The following HMCN1 variants were observed in gnomAD, a reference collection of about 807,000 sequenced individuals.
The protein encoded by HMCN1 is hemicentin 1.
A neutral mutation model predicts 625.9 loss-of-function variants in HMCN1; 321 were observed. The observed-to-expected ratio is 0.51, with a 90% confidence interval of 0.47 to 0.56. The LOEUF (loss-of-function observed/expected upper bound fraction) is 0.56, where lower values mean the gene tolerates loss of function less well. HMCN1 is among the 20% of genes least tolerant of loss of function. The pLI, the probability that HMCN1 is intolerant of heterozygous loss-of-function variation, is 0.00. For synonymous variants in HMCN1, 2,425 were observed against 2,417.6 expected (o/e 1.00, Z -0.09); for missense variants, 6,588 against 6,887.3 (o/e 0.96, Z 1.54).
At chr1:186,184,281 T>C (rs1159089170) in intron 105 of HMCN1, among the ~76,000 whole-genome samples, 1 of 152,248 alleles carries the variant, frequency 6.6e-6, no homozygotes, top group Admixed American at 6.5e-5. Context: ...GCATTCTTTT[T>C]ATAGTTTTAG....
At chr1:185,771,051 G>A (rs150362364) in intron 1 of HMCN1, among the ~76,000 whole-genome samples, 1 of 152,290 alleles carries the variant, frequency 6.6e-6, no homozygotes, top group African/African-American at 2.4e-5. Context: ...ACAGGACCAT[G>A]TTGTAGCATT....
intron 1 of HMCN1, among the ~76,000 whole-genome samples, chr1:185,802,408 C>A (rs574676240): frequency 1.3e-5 from 2 of 151,612 alleles, no homozygotes; most frequent in African/African-American, 2.4e-5. Flanking sequence ...AATCACCATG[C>A]GTAGTTTTTA....
At chr1:185,819,096 G>T (rs192738568) in intron 1 of HMCN1, among the ~76,000 whole-genome samples, 205 of 152,086 alleles carry the variant, frequency 1.3e-3, no homozygotes, top group African/African-American at 4.7e-3. Flanking sequence ...AATTTGCTGG[G>T]TGTGGTGGTG....
intron 1 of HMCN1, among the ~76,000 whole-genome samples, chr1:185,769,282 T>TA (rs888994084): frequency 5.3e-5 from 8 of 151,384 alleles, no homozygotes; most frequent in Admixed American, 1.3e-4. Context: ...ACTTCATCTT[T>TA]AAAAAAAATG....
In HMCN1 at chr1:186,182,199, C is replaced by A; in HGVS notation, c.16326C>A (p.Cys5442Ter). ...ATGAATGTGAAAATACAGATGCCTG[C>A]CAGCATGAGTGTAAGAATACCTTTG... ...DIDECENTDA[C>*]QHECKNTFGS... Residue 5442 changes from cysteine to a stop codon, truncating the protein, a stop_gained, in exon 105 of 107, where the codon TGC becomes TGA. Transcript: ENST00000271588. LOFTEE classifies it high-confidence loss of function. 1 of 1,613,190 alleles carries A rather than the reference C, an allele frequency of 6.2e-7. No homozygotes were observed. The highest frequency in any genetic ancestry group is 8.5e-7 in the Non-Finnish European group (1 of 1,179,272).
intron 1 of HMCN1, among the ~76,000 whole-genome samples, chr1:185,758,250 A>G (rs774685001): frequency 2.6e-5 from 4 of 152,230 alleles, no homozygotes; most frequent in Non-Finnish European, 5.9e-5. Context: ...CTGCCAGCAT[A>G]TGACTTTTAA....
At chr1:185,774,601 A>C (rs1043877729) in intron 1 of HMCN1, among the ~76,000 whole-genome samples, 1 of 152,300 alleles carries the variant, frequency 6.6e-6, no homozygotes, top group Admixed American at 6.5e-5. Flanking sequence ...GAATCTCATA[A>C]ATTTGTGATG....
chr1:186,128,565 A>G (rs958221246), intron 83 of HMCN1, among the ~76,000 whole-genome samples: 1 of 151,996 alleles, frequency 6.6e-6, no homozygotes, highest in African/African-American at 2.4e-5. Flanking sequence ...ATGAGAAGGC[A>G]GTATGTTTAT....
chr1:186,135,640 A>G (rs1457477526), intron 86 of HMCN1, among the ~76,000 whole-genome samples: 1 of 152,178 alleles, frequency 6.6e-6, no homozygotes, highest in African/African-American at 2.4e-5. Context: ...GTGCTATTGC[A>G]TTGCCCAAAT....
chr1:186,108,264 CT>C (rs1660714177), intron 70 of HMCN1, among the ~76,000 whole-genome samples, 196 bp from the exon 71 acceptor site: 1 of 151,758 alleles, frequency 6.6e-6, no homozygotes, highest in Non-Finnish European at 1.5e-5. Context: ...GGAAGGATTT[CT>C]TTACTTAGTG....
intron 1 of HMCN1, among the ~76,000 whole-genome samples, chr1:185,742,820 C>G (rs1654077097): frequency 6.6e-6 from 1 of 152,140 alleles, no homozygotes; most frequent in South Asian, 2.1e-4. Flanking sequence ...TTTTATGTCA[C>G]TAGATGTCTC....
chr1:186,090,173 G>T (rs192158771), intron 63 of HMCN1, among the ~76,000 whole-genome samples: 3 of 88,900 alleles, frequency 3.4e-5, no homozygotes, highest in Non-Finnish European at 5.9e-5. Flanking sequence ...TTTTTATTAC[G>T]CAATATTTCT....
chr1:186,007,194 T>C lies in HMCN1; in HGVS notation c.4542T>C (p.Asn1514=). 6.2e-7 allele frequency: 1 copy of C among 1,613,260 alleles called. No homozygotes were observed. Among genetic ancestry groups the C allele is most frequent in the Non-Finnish European group, 8.5e-7 (1 of 1,179,302 alleles). ...GAGGACAAGTCTTACATTTAAAGAA[T>C]GCACGGAGAAATGACAAGGGGCGCT... ...LDRGQVLHLK[N]ARRNDKGRYQ... The change falls in exon 30 of 107, where the codon AAT becomes AAC. Residue 1514 remains asparagine, a synonymous_variant. Coordinates refer to ENST00000271588, the MANE Select transcript of HMCN1 (RefSeq NM_031935.3).
Position 185,963,801 on chromosome 1 carries a change from C to CA in HMCN1, c.2009dup (p.Asn670LysfsTer16). On this transcript the variant is annotated frameshift_variant, in exon 13 of 107. Coordinates refer to ENST00000271588, the MANE Select transcript of HMCN1 (RefSeq NM_031935.3). LOFTEE classifies it high-confidence loss of function. ...TGACCTCAGATGGTACCTTATTTAT[C>CA]AAAAATGCAGCTCCCAAAGATGCAG... 6.2e-7 allele frequency: 1 copy of CA among 1,609,040 alleles called. No homozygotes were observed. Among genetic ancestry groups the CA allele is most frequent in the Non-Finnish European group, 8.5e-7 (1 of 1,175,894 alleles).
intron 2 of HMCN1, among the ~76,000 whole-genome samples, chr1:185,859,740 A>G (rs1446925093): frequency 6.6e-6 from 1 of 152,048 alleles, no homozygotes; most frequent in East Asian, 1.9e-4. Flanking sequence ...ATCTCGATTC[A>G]CTGCAACCTC....
chr1:185,740,023 G>A (rs184065852), intron 1 of HMCN1, among the ~76,000 whole-genome samples: 2 of 152,276 alleles, frequency 1.3e-5, no homozygotes, highest in African/African-American at 2.4e-5. Flanking sequence ...ATCCTGACAT[G>A]TTCAGGGAAC....
At chr1:185,748,972 A>C (rs1654613223) in intron 1 of HMCN1, among the ~76,000 whole-genome samples, 1 of 152,208 alleles carries the variant, frequency 6.6e-6, no homozygotes, top group African/African-American at 2.4e-5. Context: ...ATAAGGATAA[A>C]ACCAGTTTTG....
In HMCN1 at chr1:186,174,661, G is replaced by C. The variant is rs369711033; in HGVS notation, c.15943+19G>C. On this transcript the variant is annotated intron_variant, in intron 103 of 106. Coordinates refer to ENST00000271588, the MANE Select transcript of HMCN1 (RefSeq NM_031935.3). ...TGCATGGGTAAGTTAATAGGAACTTGTTGAGCAATAAAGCTACTGATGTAG... is the reference window on the plus strand; with the variant it reads ...TGCATGGGTAAGTTAATAGGAACTTCTTGAGCAATAAAGCTACTGATGTAG... The C allele has an allele frequency of 1.2e-6, 2 of 1,613,520 alleles. No individual in the cohort carries two copies. The highest frequency in any genetic ancestry group is 1.7e-6 in the Non-Finnish European group (2 of 1,179,648).
chr1:185,816,120 T>C (rs1659832733), intron 1 of HMCN1, among the ~76,000 whole-genome samples: 1 of 140,454 alleles, frequency 7.1e-6, no homozygotes, highest in Admixed American at 6.8e-5. Context: ...CTGTTTAAGA[T>C]AGAACATGTA....
Sources: gnomAD v4.1 joint callset for allele counts (sites outside exome capture counted in the v4.1 genomes callset) on GRCh38, gnomAD v4.1.1 for gene constraint, MANE v1.5 for transcripts, NCBI Gene and HGNC (gene_info 2026-07-23, HGNC 2026-07-21) for gene names.